BLTP2: variants seen among roughly 807,000 people sequenced by gnomAD.
BLTP2 encodes bridge-like lipid transfer protein family member 2.
the BLTP2 span, chr17:28,635,320 C>T: frequency 3.1e-6 from 5 of 1,614,202 alleles, no homozygotes; most frequent in Non-Finnish European, 4.2e-6. Flanking sequence ...CAGTGACACA[C>T]TCTCTGCAGC....
At chr17:28,621,513 G>A in the BLTP2 span, 4 of 1,598,350 alleles carry the variant, frequency 2.5e-6, no homozygotes, top group Non-Finnish European at 3.4e-6. Context: ...AGAAAGAGAT[G>A]CAGGCAACTT....
At chr17:28,635,320 C>A in the BLTP2 span, 1 of 1,614,202 alleles carries the variant, frequency 6.2e-7, no homozygotes, top group Non-Finnish European at 8.5e-7. Context: ...CAGTGACACA[C>A]TCTCTGCAGC....
chr17:28,645,150 C>T, the BLTP2 span: 7 of 1,053,424 alleles, frequency 6.6e-6, no homozygotes, highest in Non-Finnish European at 8.9e-6. Context: ...CGACCAGCTG[C>T]GCGCGCAGGA....
the BLTP2 span, chr17:28,620,873 T>G: frequency 1.9e-6 from 2 of 1,047,874 alleles, no homozygotes; most frequent in Non-Finnish European, 2.9e-6. Flanking sequence ...AGTGAAATGT[T>G]AATGCCAGTG....
At chr17:28,631,552 A>C in the BLTP2 span, 1 of 1,614,196 alleles carries the variant, frequency 6.2e-7, no homozygotes, top group African/African-American at 1.3e-5. Context: ...CTTTGTTACC[A>C]AGGGATCAAG....
At chr17:28,625,499 T>C in the BLTP2 span, among the ~76,000 whole-genome samples, 33 of 152,298 alleles carry the variant, frequency 2.2e-4, no homozygotes, top group African/African-American at 7.9e-4. Flanking sequence ...TTAGACATTA[T>C]ATTGATACCT....
At chr17:28,641,857 G>A in the BLTP2 span, 1 of 1,571,272 alleles carries the variant, frequency 6.4e-7, no homozygotes, top group Non-Finnish European at 8.7e-7. Flanking sequence ...TGAGAACAAG[G>A]CAGCCAAGAA....
At chr17:28,627,639 C>T in the BLTP2 span, among the ~76,000 whole-genome samples, 1 of 152,036 alleles carries the variant, frequency 6.6e-6, no homozygotes, top group Admixed American at 6.6e-5. Flanking sequence ...GATCTCCTGA[C>T]CCACCCACCT....
chr17:28,644,247 CT>C, the BLTP2 span: 7 of 1,571,420 alleles, frequency 4.5e-6, no homozygotes, highest in South Asian at 8.1e-5. Flanking sequence ...TCCCTCACCC[CT>C]TGCTGGTCTT....
chr17:28,640,095 T>G, the BLTP2 span: 2 of 1,566,910 alleles, frequency 1.3e-6, no homozygotes, highest in East Asian at 2.3e-5. Context: ...TTTTATTTTT[T>G]AAAAGTAATT....
chr17:28,620,699 C>A, the BLTP2 span: 1 of 1,565,278 alleles, frequency 6.4e-7, no homozygotes, highest in Non-Finnish European at 8.7e-7. Flanking sequence ...ATCTCTTAAC[C>A]CACATTTGGA....
the BLTP2 span, chr17:28,640,030 A>C: frequency 6.2e-7 from 1 of 1,613,002 alleles, no homozygotes; most frequent in South Asian, 1.1e-5. Flanking sequence ...AGGTGCCTGG[A>C]CCGAGACAGA....
At chr17:28,621,496 C>A in the BLTP2 span, 1 of 1,613,560 alleles carries the variant, frequency 6.2e-7, no homozygotes. Flanking sequence ...CGATATTCTT[C>A]ACCTGAAGAA....
At chr17:28,643,737 C>T in the BLTP2 span, 1 of 1,377,984 alleles carries the variant, frequency 7.3e-7, no homozygotes, top group Non-Finnish European at 1.0e-6. Context: ...AGGAAATGTT[C>T]TGGATTATTA....
At chr17:28,637,138 T>C in the BLTP2 span, 25 of 1,614,190 alleles carry the variant, frequency 1.5e-5, no homozygotes, top group Non-Finnish European at 2.0e-5. Flanking sequence ...CTGCCCAGGA[T>C]AGTTAGGGTG....
chr17:28,628,401 C>A, the BLTP2 span: 1 of 1,614,180 alleles, frequency 6.2e-7, no homozygotes, highest in Non-Finnish European at 8.5e-7. Context: ...CCTTCAGGGC[C>A]TCAGTAGAAA....
the BLTP2 span, chr17:28,628,662 C>T: frequency 1.0e-6 from 1 of 954,692 alleles, no homozygotes; most frequent in Non-Finnish European, 1.6e-6. Flanking sequence ...TGGCCAGATG[C>T]CATGGCTCAT....
the BLTP2 span, among the ~76,000 whole-genome samples, chr17:28,636,240 G>GT: frequency 1.3e-5 from 2 of 152,186 alleles, no homozygotes; most frequent in African/African-American, 4.8e-5. Flanking sequence ...AAACTCTTCA[G>GT]TTTCCAAAGG....
chr17:28,635,172 G>A, the BLTP2 span: 1 of 1,613,998 alleles, frequency 6.2e-7, no homozygotes, highest in Non-Finnish European at 8.5e-7. Flanking sequence ...GCGCAGGGAA[G>A]GGGTTCCGGT....
Sources: allele counts gnomAD v4.1 joint callset (sites outside exome capture counted in the v4.1 genomes callset), GRCh38; gene constraint gnomAD v4.1.1; transcripts MANE v1.5; gene names NCBI Gene and HGNC (gene_info 2026-07-23, HGNC 2026-07-21).